Variants in QTMAN observed in about 807,000 individuals in gnomAD.
QTMAN encodes queuosine-tRNA mannosyltransferase, also known as tRNA-queuosine alpha-mannosyltransferase.
At chr2:144,282,562 G>T in the QTMAN span, among the ~76,000 whole-genome samples, 2 of 151,924 alleles carry the variant, frequency 1.3e-5, no homozygotes, top group East Asian at 3.9e-4. Flanking sequence ...TTAGGCATCA[G>T]CATCACAGAG....
At chr2:144,157,708 T>C in the QTMAN span, among the ~76,000 whole-genome samples, 8 of 151,952 alleles carry the variant, frequency 5.3e-5, no homozygotes, top group Admixed American at 3.9e-4. Context: ...AGGTAAATAC[T>C]TGAGACCACA....
At chr2:144,126,448 C>T in the QTMAN span, among the ~76,000 whole-genome samples, 5 of 151,920 alleles carry the variant, frequency 3.3e-5, no homozygotes, top group African/African-American at 1.2e-4. Context: ...CTATATTTTA[C>T]CAACCTGGTT....
the QTMAN span, among the ~76,000 whole-genome samples, chr2:144,061,952 C>T: frequency 6.6e-6 from 1 of 152,102 alleles, no homozygotes; most frequent in Admixed American, 6.6e-5. Context: ...TATCTTCCCA[C>T]CCCATCCCCT....
chr2:144,126,683 T>C, the QTMAN span, among the ~76,000 whole-genome samples: 1 of 152,034 alleles, frequency 6.6e-6, no homozygotes. Flanking sequence ...ACCAGCTGTA[T>C]GTTGTTTCAC....
chr2:144,087,559 A>G, the QTMAN span, among the ~76,000 whole-genome samples: 16 of 152,172 alleles, frequency 1.1e-4, no homozygotes, highest in South Asian at 1.5e-3. Context: ...AGATGCAAAA[A>G]TCCTCAACAA....
the QTMAN span, among the ~76,000 whole-genome samples, chr2:144,077,979 T>C: frequency 1.4e-4 from 21 of 149,504 alleles, no homozygotes; most frequent in African/African-American, 4.7e-4. Flanking sequence ...AAGTCAAAGA[T>C]AGCATATAAA....
At chr2:144,270,439 A>G in the QTMAN span, among the ~76,000 whole-genome samples, 62 of 152,352 alleles carry the variant, frequency 4.1e-4, no homozygotes, top group South Asian at 0.012. Flanking sequence ...GATAAAGAAA[A>G]CGCGGCACAT....
chr2:144,022,096 CAT>C, the QTMAN span, among the ~76,000 whole-genome samples: 1 of 152,094 alleles, frequency 6.6e-6, no homozygotes, highest in Non-Finnish European at 1.5e-5. Context: ...TGTACTCTCT[CAT>C]GTTTTAAAAC....
chr2:144,085,370 A>G, the QTMAN span, among the ~76,000 whole-genome samples: 1 of 152,236 alleles, frequency 6.6e-6, no homozygotes, highest in Non-Finnish European at 1.5e-5. Flanking sequence ...ACGGGATGAC[A>G]AGTAGACTGA....
the QTMAN span, among the ~76,000 whole-genome samples, chr2:144,315,486 G>T: frequency 6.6e-6 from 1 of 152,190 alleles, no homozygotes; most frequent in Non-Finnish European, 1.5e-5. Flanking sequence ...ACCACCATAA[G>T]ATAGAAATAC....
chr2:144,086,392 C>A, the QTMAN span, among the ~76,000 whole-genome samples: 2 of 151,934 alleles, frequency 1.3e-5, no homozygotes, highest in African/African-American at 4.8e-5. Context: ...AGTAATCTTC[C>A]CGCCTTGGCA....
At chr2:143,951,776 T>C in the QTMAN span, among the ~76,000 whole-genome samples, 33,956 of 151,430 alleles carry the variant, frequency 0.22, 4,781 homozygotes, top group African/African-American at 0.4. Flanking sequence ...AAGCATGTAC[T>C]GTGCATTAAG....
chr2:144,254,965 T>C, the QTMAN span, among the ~76,000 whole-genome samples: 1 of 152,130 alleles, frequency 6.6e-6, no homozygotes, highest in East Asian at 1.9e-4. Context: ...TTGGAATGGG[T>C]GTATTTACCC....
At chr2:144,093,934 C>CAA in the QTMAN span, among the ~76,000 whole-genome samples, 19 of 152,282 alleles carry the variant, frequency 1.2e-4, no homozygotes, top group Non-Finnish European at 1.5e-4. Context: ...ATGTAATTAT[C>CAA]TTATTTGAGA....
the QTMAN span, among the ~76,000 whole-genome samples, chr2:144,297,640 G>A: frequency 1.3e-5 from 2 of 149,172 alleles, no homozygotes; most frequent in South Asian, 4.3e-4. Flanking sequence ...GAGTGCAGTG[G>A]CGCAATCTTG....
the QTMAN span, among the ~76,000 whole-genome samples, chr2:144,022,282 T>C: frequency 6.6e-6 from 1 of 151,958 alleles, no homozygotes; most frequent in African/African-American, 2.4e-5. Context: ...TTTCCTATTT[T>C]CTTTTTTTTT....
chr2:143,957,386 AATGAT>A, the QTMAN span: 1 of 1,256,682 alleles, frequency 8.0e-7, no homozygotes, highest in Admixed American at 2.6e-5. Flanking sequence ...TATAGTGTAA[AATGAT>A]ATGAGATGTC....
the QTMAN span, among the ~76,000 whole-genome samples, chr2:144,304,062 G>A: frequency 6.6e-6 from 1 of 152,298 alleles, no homozygotes; most frequent in African/African-American, 2.4e-5. Context: ...AATATTCTAA[G>A]ATTCCATGAG....
At chr2:144,058,198 T>G in the QTMAN span, among the ~76,000 whole-genome samples, 1 of 145,706 alleles carries the variant, frequency 6.9e-6, no homozygotes, top group African/African-American at 2.6e-5. Context: ...GTGCTTTCTC[T>G]CTTTCTCTTT....
Sources: allele counts gnomAD v4.1 joint callset (sites outside exome capture counted in the v4.1 genomes callset), GRCh38; gene constraint gnomAD v4.1.1; transcripts MANE v1.5; gene names NCBI Gene and HGNC (gene_info 2026-07-23, HGNC 2026-07-21).